Variants in NPAS3 observed in about 807,000 individuals in gnomAD.
NPAS3 encodes the protein neuronal PAS domain-containing protein 3.
Under a neutral mutation model 73.1 loss-of-function variants are expected in NPAS3, and 14 were observed. The observed-to-expected ratio is 0.19, with a 90% CI of 0.13 to 0.30. The LOEUF is 0.30. Ranked by LOEUF, NPAS3 falls within the 10% of genes least tolerant of loss-of-function variation. NPAS3 has a pLI of 1.00. For synonymous variants in NPAS3, 620 were observed against 541.5 expected, an observed-to-expected ratio of 1.14 and a Z score of -2.01; for missense variants, 1,096 against 1,250.0, an observed-to-expected ratio of 0.88 and a Z score of 1.86.
intron 3 of NPAS3, among the ~76,000 whole-genome samples, chr14:33,216,279 C>T (rs2047220424): frequency 6.6e-6 from 1 of 152,162 alleles, no homozygotes; most frequent in Non-Finnish European, 1.5e-5. Context: ...GTGCAGGCAA[C>T]TTCCTCTAGG....
intron 1 of NPAS3, among the ~76,000 whole-genome samples, chr14:32,958,539 A>G (rs1054372282): frequency 2.0e-5 from 3 of 152,248 alleles, no homozygotes; most frequent in African/African-American, 7.2e-5. Flanking sequence ...TACTCGTCTC[A>G]TTCTGCACTC....
At chr14:33,626,234 T>G (rs1175795781) in intron 5 of NPAS3, among the ~76,000 whole-genome samples, 1 of 152,174 alleles carries the variant, frequency 6.6e-6, no homozygotes, top group Non-Finnish European at 1.5e-5. Context: ...AAATTTCTTA[T>G]TGTATTGAAG....
chr14:33,380,598 G>GT (rs1349341314), intron 4 of NPAS3, among the ~76,000 whole-genome samples: 1 of 152,168 alleles, frequency 6.6e-6, no homozygotes, highest in Non-Finnish European at 1.5e-5. Context: ...TGACAGTGCA[G>GT]TAGAACCGTG....
intron 1 of NPAS3, among the ~76,000 whole-genome samples, chr14:33,031,814 T>G (rs954645225): frequency 6.6e-6 from 1 of 152,248 alleles, no homozygotes; most frequent in Non-Finnish European, 1.5e-5. Context: ...TGCCATGTGT[T>G]TTGTGAACAT....
At chr14:33,057,104 G>T (rs2040917304) in intron 2 of NPAS3, among the ~76,000 whole-genome samples, 1 of 152,150 alleles carries the variant, frequency 6.6e-6, no homozygotes, top group South Asian at 2.1e-4. Context: ...TGTGAAGGCT[G>T]CTCTCTGAAA....
intron 2 of NPAS3, among the ~76,000 whole-genome samples, chr14:33,121,874 A>C (rs1203182607): frequency 6.6e-6 from 1 of 152,156 alleles, no homozygotes. Context: ...CTCACGTGGA[A>C]ATTGTATCTC....
intron 2 of NPAS3, among the ~76,000 whole-genome samples, chr14:33,133,443 G>A (rs1054861556): frequency 1.3e-5 from 2 of 152,134 alleles, no homozygotes; most frequent in Admixed American, 1.3e-4. Context: ...GAATTTGGCA[G>A]CATTCTGTTC....
At chr14:33,147,730 A>AAATATATAT (rs372663411) in intron 2 of NPAS3, among the ~76,000 whole-genome samples, 1 of 130,388 alleles carries the variant, frequency 7.7e-6, no homozygotes, top group African/African-American at 3.2e-5. Flanking sequence ...TAGAATAAAA[A>AAATATATAT]ATATATATAT....
intron 1 of NPAS3, among the ~76,000 whole-genome samples, chr14:32,987,143 A>C (rs2139440674): frequency 6.6e-6 from 1 of 152,324 alleles, no homozygotes; most frequent in African/African-American, 2.4e-5. Context: ...TGTGAAAATA[A>C]GCACAATACC....
chr14:33,169,283 G>A (rs1014583758), intron 2 of NPAS3, among the ~76,000 whole-genome samples: 2 of 152,022 alleles, frequency 1.3e-5, no homozygotes, highest in African/African-American at 4.8e-5. Flanking sequence ...AAATTTCAGA[G>A]TGGGCCGGGC....
At chr14:33,044,249 G>C (rs944442558) in intron 1 of NPAS3, among the ~76,000 whole-genome samples, 12 of 152,250 alleles carry the variant, frequency 7.9e-5, no homozygotes, top group African/African-American at 2.6e-4. Flanking sequence ...GTTGCTGATT[G>C]GGGGTAATTT....
At chr14:33,676,249 C>G in exon 6 of NPAS3, 1 of 1,613,922 alleles carries the variant, frequency 6.2e-7, no homozygotes, top group Non-Finnish European at 8.5e-7. Context: ...ACTATGTCCA[C>G]CCCGGAGATC....
intron 2 of NPAS3, among the ~76,000 whole-genome samples, chr14:33,203,118 T>TAAA (rs2046684815): frequency 6.6e-6 from 1 of 152,234 alleles, no homozygotes; most frequent in South Asian, 2.1e-4. Flanking sequence ...ACTTTTCAGA[T>TAAA]AAAGACATTG....
At chr14:33,354,298 A>G (rs1054247726) in intron 3 of NPAS3, among the ~76,000 whole-genome samples, 7 of 152,012 alleles carry the variant, frequency 4.6e-5, no homozygotes, top group Admixed American at 1.3e-4. Flanking sequence ...TGCTCAACCG[A>G]CTGCAGTGCC....
chr14:33,696,598 C>G (rs192361871), intron 6 of NPAS3, among the ~76,000 whole-genome samples: 20 of 152,230 alleles, frequency 1.3e-4, no homozygotes, highest in Non-Finnish European at 2.4e-4. Context: ...TTTTTATACT[C>G]TAATACCATA....
At chr14:33,560,481 G>C (rs762469556) in intron 5 of NPAS3, 1 of 286,014 alleles carries the variant, frequency 3.5e-6, no homozygotes, top group Non-Finnish European at 6.5e-6. Context: ...TCTTCCCTTG[G>C]TTGTTTTGAA....
intron 4 of NPAS3, among the ~76,000 whole-genome samples, chr14:33,390,934 AAATT>A (rs964380742): frequency 6.6e-5 from 10 of 152,118 alleles, no homozygotes; most frequent in African/African-American, 2.2e-4. Context: ...TTTGAAAAAA[AAATT>A]AATAAGGCAT....
In NPAS3 at chr14:33,227,799, A is replaced by G. The variant is rs371919120; in HGVS notation, c.385+12373A>G. 1.5e-3 allele frequency among the ~76,000 whole-genome samples: 226 copies of G among 152,354 alleles called. 8 individuals are homozygous for G. The South Asian group carries it at 0.043, about 29-fold the overall frequency. ...AGTTCTAACAACCTGTAATAAAGGTACAGTTCATGTATCCCAGGCTAGAGA... is the reference window on the plus strand; with the variant it reads ...AGTTCTAACAACCTGTAATAAAGGTGCAGTTCATGTATCCCAGGCTAGAGA... On this transcript the variant is annotated intron_variant, in intron 3 of 11. Coordinates refer to ENST00000356141, the Ensembl canonical transcript of NPAS3.
At chr14:33,680,734 G>C in intron 6 of NPAS3, 1 of 678,910 alleles carries the variant, frequency 1.5e-6, no homozygotes, top group Non-Finnish European at 2.7e-6. Flanking sequence ...GTGGGTGTGA[G>C]TTCATAGAGG....
Sources: gnomAD v4.1 joint callset for allele counts (sites outside exome capture counted in the v4.1 genomes callset) on GRCh38, gnomAD v4.1.1 for gene constraint, MANE v1.5 for transcripts, NCBI Gene and HGNC (gene_info 2026-07-23, HGNC 2026-07-21) for gene names.